Variants in FABP12 observed in about 807,000 individuals in gnomAD.
The protein encoded by FABP12 is fatty acid-binding protein 12.
A neutral mutation model predicts 13.7 loss-of-function variants in FABP12; 19 were observed. That is an observed-to-expected ratio of 1.39 (90% CI 0.97 to 2.04). The LOEUF is 2.04. Ranked by LOEUF, FABP12 falls within the 30% of genes most tolerant of loss-of-function variation. The probability of loss-of-function intolerance (pLI) is 0.00; values close to 1 mark genes in which losing one functional copy is unlikely to be tolerated. For missense variants in FABP12, 182 were observed against 164.2 expected (o/e 1.11, Z -0.59); for synonymous variants, 61 against 57.0 (o/e 1.07, Z -0.32).
exon 4 of FABP12, chr8:81,527,065 T>G: frequency 6.2e-7 from 1 of 1,612,600 alleles, no homozygotes; most frequent in Non-Finnish European, 8.5e-7. Flanking sequence ...TGGTGGTTTC[T>G]TTGCCATCCC....
intron 3 of FABP12, chr8:81,529,227 A>C: frequency 1.7e-6 from 1 of 594,238 alleles, no homozygotes; most frequent in Non-Finnish European, 3.0e-6. Flanking sequence ...TAAAAATGCA[A>C]TTTTCAGGGC....
intron 1 of FABP12, among the ~76,000 whole-genome samples, chr8:81,542,988 T>C (rs1199048596): frequency 6.6e-6 from 1 of 152,160 alleles, no homozygotes; most frequent in Non-Finnish European, 1.5e-5. Flanking sequence ...GCTCTAAGGG[T>C]TGACTTCAGT....
At chr8:81,529,708 A>C (rs1809011353) in intron 2 of FABP12, 98 bp from the exon 3 acceptor site, 2 of 1,083,576 alleles carry the variant, frequency 1.8e-6, no homozygotes, top group East Asian at 2.5e-5. Context: ...GACTCCAAAA[A>C]CTCAACATTA....
chr8:81,555,920 G>C (rs1809606471), intron 1 of FABP12, among the ~76,000 whole-genome samples: 2 of 151,966 alleles, frequency 1.3e-5, no homozygotes, highest in African/African-American at 4.8e-5. Flanking sequence ...AATTTAATTT[G>C]TGGAAAATTG....
chr8:81,553,930 C>T (rs1809566151), intron 1 of FABP12, among the ~76,000 whole-genome samples: 1 of 152,092 alleles, frequency 6.6e-6, no homozygotes, highest in Non-Finnish European at 1.5e-5. Context: ...ACTCATGTAA[C>T]CTTGGTGTCA....
chr8:81,541,090 C>T (rs535859604), intron 1 of FABP12, among the ~76,000 whole-genome samples: 10 of 149,646 alleles, frequency 6.7e-5, no homozygotes, highest in South Asian at 4.2e-4. Context: ...TGCTTGAACC[C>T]GGGAGGTGGA....
At chr8:81,544,184 C>G (rs1391747957) in intron 1 of FABP12, among the ~76,000 whole-genome samples, 1 of 152,102 alleles carries the variant, frequency 6.6e-6, no homozygotes, top group East Asian at 1.9e-4. Flanking sequence ...TATTAGATTC[C>G]TAGGGCTGTT....
chr8:81,558,887 CAAA>C lies in FABP12; in HGVS notation c.-184-19147_-184-19145del, dbSNP rs35682824. 1.1e-3 allele frequency among the ~76,000 whole-genome samples: 74 copies of C among 67,554 alleles called. 1 individual carries two copies. Among genetic ancestry groups the C allele is most frequent in the Non-Finnish European group, 1.5e-3 (49 of 33,748 alleles). 44.3% of individuals were successfully genotyped at this position (67,554 alleles called of 152,430 possible). On this transcript the variant is annotated intron_variant, in intron 1 of 5. Coordinates refer to the FABP12 transcript ENST00000692030. ...CCTGGGGGACAAAGTAAGGCTCCAT[CAAA>C]AAAAAAAAAAAAAAAAAAAAAGAAG...
chr8:81,555,049 A>C (rs1282132041), intron 1 of FABP12, among the ~76,000 whole-genome samples: 1 of 152,102 alleles, frequency 6.6e-6, no homozygotes, highest in Non-Finnish European at 1.5e-5. Context: ...TGGATGAGAA[A>C]TTTCCCTCTG....
Position 81,566,565 on chromosome 8 carries a change from A to G in FABP12, c.-185+23488T>C, listed in dbSNP as rs186096215. On this transcript the variant is annotated intron_variant, in intron 1 of 5. Coordinates refer to the FABP12 transcript ENST00000692030. ...CCTATCAATAGAATGAAGGACAAAAACCATATGATCATTTCAATTGATGCT... is the reference window on the plus strand; with the variant it reads ...CCTATCAATAGAATGAAGGACAAAAGCCATATGATCATTTCAATTGATGCT... Among the ~76,000 whole-genome samples the G allele has an allele frequency of 5.0e-3, 765 of 152,212 alleles. 5 individuals are homozygous for G. Among genetic ancestry groups the G allele is most frequent in the Non-Finnish European group, 8.3e-3 (563 of 67,944 alleles).
At chr8:81,559,653 G>C (rs1809685064) in intron 1 of FABP12, among the ~76,000 whole-genome samples, 1 of 152,228 alleles carries the variant, frequency 6.6e-6, no homozygotes, top group Non-Finnish European at 1.5e-5. Flanking sequence ...CAAAGGATGA[G>C]TCTTCCCCAG....
At chr8:81,527,099 T>A in exon 4 of FABP12, 1 of 1,607,792 alleles carries the variant, frequency 6.2e-7, no homozygotes, top group Non-Finnish European at 8.5e-7. Flanking sequence ...AATCAGGGAC[T>A]CCTTATCTAA....
At chr8:81,572,271 G>A (rs1809946665) in intron 1 of FABP12, among the ~76,000 whole-genome samples, 1 of 152,132 alleles carries the variant, frequency 6.6e-6, no homozygotes, top group Non-Finnish European at 1.5e-5. Context: ...CCTGGTCACT[G>A]CAAATGCTGT....
chr8:81,529,567 G>A (rs1585834131), exon 3 of FABP12: 4 of 1,613,816 alleles, frequency 2.5e-6, no homozygotes, highest in East Asian at 2.2e-5. Context: ...TGGTCACAGT[G>A]GGTTTTGCCA....
intron 4 of FABP12, chr8:81,526,299 A>G (rs1808897282): frequency 6.6e-6 from 1 of 152,192 alleles, no homozygotes; most frequent in East Asian, 1.9e-4. Context: ...AAGGAAAATC[A>G]TGAACACACA....
intron 1 of FABP12, among the ~76,000 whole-genome samples, chr8:81,569,836 T>G (rs898872494): frequency 3.9e-5 from 6 of 152,350 alleles, no homozygotes; most frequent in African/African-American, 1.4e-4. Flanking sequence ...GGGGTGTTGC[T>G]TTTCTGGCCA....
At chr8:81,553,526 G>A (rs1362438365) in intron 1 of FABP12, among the ~76,000 whole-genome samples, 1 of 152,032 alleles carries the variant, frequency 6.6e-6, no homozygotes, top group Non-Finnish European at 1.5e-5. Context: ...TTTCTGCAGA[G>A]CAGAATTATC....
At chr8:81,540,310 C>T (rs556905431) in intron 1 of FABP12, among the ~76,000 whole-genome samples, 35 of 152,306 alleles carry the variant, frequency 2.3e-4, no homozygotes, top group African/African-American at 7.5e-4. Context: ...AGACTCACTT[C>T]CAAAGAACAG....
chr8:81,531,341 A>G, exon 2 of FABP12: 16 of 1,543,426 alleles, frequency 1.0e-5, no homozygotes, highest in Non-Finnish European at 1.4e-5. Context: ...TTGATCTCAA[A>G]GAACAGTAGT....
Sources: allele counts gnomAD v4.1 joint callset (sites outside exome capture counted in the v4.1 genomes callset), GRCh38; gene constraint gnomAD v4.1.1; transcripts MANE v1.5; gene names NCBI Gene and HGNC (gene_info 2026-07-23, HGNC 2026-07-21).